HMGB1: variants seen among roughly 807,000 people sequenced by gnomAD.
HMGB1 encodes high mobility group box 1, also known as high mobility group protein B1.
For synonymous variants in HMGB1, 81 were observed against 84.0 expected, an observed-to-expected ratio of 0.96 and a Z score of 0.19; for missense variants, 79 against 253.5, an observed-to-expected ratio of 0.31 and a Z score of 4.67.
At chr13:30,537,725 A>T (rs1868523123) in intron 1 of HMGB1, among the ~76,000 whole-genome samples, 1 of 137,438 alleles carries the variant, frequency 7.3e-6, no homozygotes, top group Non-Finnish European at 1.6e-5. Context: ...GTTAATGAGG[A>T]TGGACTTGTG....
In HMGB1 at chr13:30,463,630, T is replaced by C. The variant is rs924330475; in HGVS notation, c.51A>G (p.Ala17=). 2 of 1,594,918 alleles carry C rather than the reference T, an allele frequency of 1.3e-6. No homozygotes were observed. Among genetic ancestry groups the C allele is most frequent in the East Asian group, 2.2e-5 (1 of 44,786 alleles). ...CCTCCCGACAAGTTTGCACAAAAAATGCATATGATGACATTTTGCCTCTCG... is the reference window on the plus strand; with the variant it reads ...CCTCCCGACAAGTTTGCACAAAAAACGCATATGATGACATTTTGCCTCTCG... ...KKPRGKMSSY[A]FFVQTCREEH... is the part of the protein sequence containing the mutation. The change falls in exon 2 of 5, where the codon GCA becomes GCG. Residue 17 remains alanine, a synonymous_variant. Transcript: ENST00000341423.
At chr13:30,583,116 C>T (rs1870978053) in intron 1 of HMGB1, among the ~76,000 whole-genome samples, 1 of 152,042 alleles carries the variant, frequency 6.6e-6, no homozygotes, top group South Asian at 2.1e-4. Flanking sequence ...ATCCTCCCAC[C>T]TCAACCTCCC....
At chr13:30,490,479 C>T (rs572637589) in intron 1 of HMGB1, among the ~76,000 whole-genome samples, 4 of 152,084 alleles carry the variant, frequency 2.6e-5, no homozygotes, top group Admixed American at 2.0e-4. Context: ...AGTTAGTTGG[C>T]GTGGTAGTGC....
At chr13:30,614,384 A>G (rs1037038022) in intron 1 of HMGB1, among the ~76,000 whole-genome samples, 6 of 152,252 alleles carry the variant, frequency 3.9e-5, no homozygotes, top group East Asian at 3.8e-4. Context: ...TGTTGAAACT[A>G]TAAGGAACTC....
intron 1 of HMGB1, among the ~76,000 whole-genome samples, chr13:30,608,319 T>C (rs183537680): frequency 6.6e-6 from 1 of 152,248 alleles, no homozygotes; most frequent in East Asian, 1.9e-4. Context: ...ATATAACTAA[T>C]ACAATAATAC....
intron 1 of HMGB1, among the ~76,000 whole-genome samples, chr13:30,527,015 C>T (rs1888383275): frequency 6.6e-6 from 1 of 152,226 alleles, no homozygotes; most frequent in Admixed American, 6.5e-5. Flanking sequence ...TACGCAGGCT[C>T]CTTGGCCAGG....
chr13:30,510,263 AG>A (rs61436122), intron 1 of HMGB1, among the ~76,000 whole-genome samples: 15,060 of 152,178 alleles, frequency 0.099, 1,082 homozygotes, highest in African/African-American at 0.19. Flanking sequence ...GAGTGGGGGT[AG>A]GCATCTTTGC....
chr13:30,607,800 A>G (rs1283132232), intron 1 of HMGB1, among the ~76,000 whole-genome samples: 1 of 152,250 alleles, frequency 6.6e-6, no homozygotes, highest in Non-Finnish European at 1.5e-5. Context: ...ATCTCTAGCT[A>G]GCAAATTTTA....
At chr13:30,612,872 A>G (rs748372041) in intron 1 of HMGB1, among the ~76,000 whole-genome samples, 2 of 152,206 alleles carry the variant, frequency 1.3e-5, no homozygotes, top group Non-Finnish European at 2.9e-5. Context: ...TCTGAACTTT[A>G]GGTTGCTCTA....
At chr13:30,543,453 G>C (rs1268000905) in intron 1 of HMGB1, 1 of 158,508 alleles carries the variant, frequency 6.3e-6, no homozygotes, top group Non-Finnish European at 1.4e-5. Context: ...AACCCAGAGA[G>C]GTCACCATCT....
intron 1 of HMGB1, chr13:30,464,732 A>C: frequency 6.1e-6 from 4 of 651,010 alleles, no homozygotes; most frequent in Non-Finnish European, 7.6e-6. Flanking sequence ...CGCGAGGGCG[A>C]GCGCGAGCGA....
In HMGB1 at chr13:30,459,278, G is replaced by A. The variant is rs996374993; in HGVS notation, c.*2079C>T. On this transcript the variant is annotated 3_prime_UTR_variant, in exon 5 of 5. Transcript: ENST00000341423. ...ACCATACTAATCTTCAGATTGAAGA[G>A]GGGTTTTGTCCATTTTCTTAAGATC... The A allele has an allele frequency of 6.6e-5, 10 of 152,232 alleles. No homozygotes were observed. The highest frequency in any genetic ancestry group is 2.4e-4 in the African/African-American group (10 of 41,538). The allele number at this position is 152,232 out of a possible 1,614,324, so 9.4% of individuals were successfully genotyped here.
chr13:30,465,879 A>G lies in HMGB1; in HGVS notation c.-98T>C. The stretch of plus-strand genomic sequence containing the variant: ...TCTCTATGGAGCTCAATGTACTGCA[A>G]TGGCTGTGAGAGCGGGAGCCAGACG... On this transcript the variant is annotated 5_prime_UTR_variant, in exon 1 of 5. Transcript: ENST00000341423. 3.0e-6 allele frequency: 3 copies of G among 985,806 alleles called. No homozygotes were observed. Among genetic ancestry groups the G allele is most frequent in the Non-Finnish European group, 3.6e-6 (3 of 829,872 alleles). The allele number at this position is 985,806 out of a possible 1,614,324, so 61.1% of individuals were successfully genotyped here.
At chr13:30,502,551 T>C (rs879797862) in intron 1 of HMGB1, among the ~76,000 whole-genome samples, 7 of 152,256 alleles carry the variant, frequency 4.6e-5, no homozygotes, top group Admixed American at 1.3e-4. Flanking sequence ...AGGCACATCA[T>C]AAAATTCACT....
rs569580602 is a variant in HMGB1, at chr13:30,591,356, G to T, written c.-15+25315C>A. Among the ~76,000 whole-genome samples the T allele has an allele frequency of 1.9e-3, 287 of 152,066 alleles. 4 individuals carry two copies. Among genetic ancestry groups the T allele is most frequent in the Non-Finnish European group, 3.4e-3 (232 of 67,972 alleles). ...CGAGGCACAGTGTTTTTACAGAGAA[G>T]CCTGTTTAAGGTTTAATCATATAAA... On this transcript the variant is annotated intron_variant, in intron 1 of 4. Coordinates refer to the HMGB1 transcript ENST00000405805.
intron 1 of HMGB1, among the ~76,000 whole-genome samples, chr13:30,614,070 TA>T (rs1303769443): frequency 2.0e-5 from 3 of 152,166 alleles, no homozygotes; most frequent in African/African-American, 7.2e-5. Context: ...ATGTACCATT[TA>T]CATAGAAAAA....
Position 30,474,393 on chromosome 13 carries a change from A to G in HMGB1, c.-14-10699T>C, listed in dbSNP as rs1239936179. ...AATTTTCATCTATTATTGGAGTTAC[A>G]TATTCTGTGCTTAAAGTATATTTTT... is the stretch of plus-strand genomic sequence containing the variant. On this transcript the variant is annotated intron_variant, in intron 1 of 4. Transcript: ENST00000405805. 2.0e-5 allele frequency among the ~76,000 whole-genome samples: 3 copies of G among 152,178 alleles called. No individual in the cohort carries two copies. The East Asian group carries it at 5.8e-4, about 29-fold the overall frequency.
At chr13:30,464,912 G>GCCCTCCCCTCCGCGCCGCT (rs1473888217) in intron 1 of HMGB1, among the ~76,000 whole-genome samples, 2 of 140,412 alleles carry the variant, frequency 1.4e-5, no homozygotes, top group African/African-American at 2.6e-5. Flanking sequence ...GCGCGGCCGG[G>GCCCTCCCCTCCGCGCCGCT]CCCTCCCCTC....
At chr13:30,534,903 T>C (rs1434129397) in intron 1 of HMGB1, among the ~76,000 whole-genome samples, 5 of 152,134 alleles carry the variant, frequency 3.3e-5, no homozygotes, top group Non-Finnish European at 7.4e-5. Flanking sequence ...TAACATCACT[T>C]TCAGAGGCTC....
Sources: allele counts gnomAD v4.1 joint callset (sites outside exome capture counted in the v4.1 genomes callset), GRCh38; gene constraint gnomAD v4.1.1; transcripts MANE v1.5; gene names NCBI Gene and HGNC (gene_info 2026-07-23, HGNC 2026-07-21).